Variants in LAMB1 observed in about 807,000 individuals in gnomAD.
LAMB1 encodes laminin subunit beta 1, also known as laminin subunit beta-1.
Under a neutral mutation model 222.3 loss-of-function variants are expected in LAMB1, and 121 were observed. The observed-to-expected ratio is 0.54, with a 90% confidence interval of 0.47 to 0.63. LAMB1 has a LOEUF of 0.63. Ranked by LOEUF, LAMB1 falls within the 30% of genes least tolerant of loss-of-function variation. The probability of loss-of-function intolerance (pLI) is 0.00; values close to 1 mark genes in which losing one functional copy is unlikely to be tolerated. For synonymous variants in LAMB1, 794 were observed against 807.2 expected (o/e 0.98, Z 0.28); for missense variants, 2,172 against 2,240.8 (o/e 0.97, Z 0.62).
chr7:108,003,058 G>T, intron 1 of LAMB1, 53 bp downstream of exon 1: 1 of 1,401,732 alleles, frequency 7.1e-7, no homozygotes, highest in Non-Finnish European at 9.3e-7. Flanking sequence ...CCACGGAAGC[G>T]GGGGGTGGGC....
intron 12 of LAMB1, among the ~76,000 whole-genome samples, chr7:107,973,528 G>C (rs1321447978): frequency 6.6e-6 from 1 of 152,116 alleles, no homozygotes; most frequent in African/African-American, 2.4e-5. Context: ...TCACCACTGA[G>C]CCACGAGGAA....
At chr7:107,994,466 T>C (rs567976702) in intron 5 of LAMB1, among the ~76,000 whole-genome samples, 1 of 152,332 alleles carries the variant, frequency 6.6e-6, no homozygotes, top group African/African-American at 2.4e-5. Flanking sequence ...AGATTGAATC[T>C]GCTCACAAAT....
At chr7:107,986,790 T>C (rs2034087314) in intron 5 of LAMB1, among the ~76,000 whole-genome samples, 1 of 152,226 alleles carries the variant, frequency 6.6e-6, no homozygotes, top group Non-Finnish European at 1.5e-5. Flanking sequence ...TTGTATATGT[T>C]ATACACAGTC....
At chr7:107,935,723 C>A in intron 26 of LAMB1, 67 bp from the exon 27 acceptor site, 1 of 1,547,232 alleles carries the variant, frequency 6.5e-7, no homozygotes, top group South Asian at 1.2e-5. Flanking sequence ...CAAGCAGTGT[C>A]TATATTTGGT....
In LAMB1 at chr7:107,975,037, A is replaced by G. The variant is rs1295202966; in HGVS notation, c.1431T>C (p.Gly477=). The change falls in exon 12 of 34, where the codon GGT becomes GGC. Residue 477 remains glycine (G), a synonymous_variant. Coordinates refer to ENST00000222399, the MANE Select transcript of LAMB1 (RefSeq NM_002291.3). ...PGGNPCDSET[G]HCYCKRLVTG... ...TCACCAGACGCTTGCAGTAGCAGTG[A>G]CCTGTCTCGGAATCACAAGGATTCC... is the stretch of plus-strand genomic sequence containing the variant. 1 of 1,613,270 alleles carries G rather than the reference A, an allele frequency of 6.2e-7. No homozygotes were observed. The highest frequency in any genetic ancestry group is 8.5e-7 in the Non-Finnish European group (1 of 1,179,478).
chr7:107,975,497 T>G, intron 10 of LAMB1, 84 bp from the exon 11 acceptor site: 1 of 1,377,534 alleles, frequency 7.3e-7, no homozygotes, highest in Non-Finnish European at 9.7e-7. Flanking sequence ...CCTTCCTCCC[T>G]CTAAATCTCA....
At position 107,929,007 on chromosome 7, in the gene LAMB1, T is replaced by C; in HGVS notation, c.4887+57A>G. 3.3e-6 allele frequency: 5 copies of C among 1,511,708 alleles called. 1 individual carries two copies. Among genetic ancestry groups the C allele is most frequent in the South Asian group, 2.3e-5 (2 of 88,062 alleles). The allele number at this position is 1,511,708 out of a possible 1,614,324, so 93.6% of individuals were successfully genotyped here. On this transcript the variant is annotated intron_variant, in intron 31 of 33. Transcript: ENST00000222399. ...TGTTCATAGATAACAAATGTACTTT[T>C]CTGGTAAGTGTATATGTAGGTGTGT...
intron 29 of LAMB1, chr7:107,929,958 C>T: frequency 3.0e-6 from 1 of 331,304 alleles, no homozygotes; most frequent in Non-Finnish European, 5.7e-6. Context: ...ACAGGAACGG[C>T]AGAGTATGTT....
Position 107,954,360 on chromosome 7 carries a change from G to T in LAMB1, c.2855-606C>A, listed in dbSNP as rs954305864. On this transcript the variant is annotated intron_variant, in intron 21 of 33. Coordinates refer to ENST00000222399, the MANE Select transcript of LAMB1 (RefSeq NM_002291.3). Reference sequence around the variant, plus strand: ...TTTTTTTTTTTTTTTTGGAGAGATGGTGTCTCGCCATCTTGCCCACGCTGG... The same window carrying T: ...TTTTTTTTTTTTTTTTGGAGAGATGTTGTCTCGCCATCTTGCCCACGCTGG... Among the ~76,000 whole-genome samples, 11 of 146,944 alleles carry T rather than the reference G, an allele frequency of 7.5e-5. No individual in the cohort carries two copies. In the East Asian group the frequency reaches 2.2e-3, roughly 29 times the overall value.
intron 5 of LAMB1, among the ~76,000 whole-genome samples, chr7:107,992,818 C>T (rs1028066045): frequency 6.6e-6 from 1 of 152,150 alleles, no homozygotes; most frequent in African/African-American, 2.4e-5. Flanking sequence ...TTGCTTAAAC[C>T]CAGGAGGCGG....
intron 7 of LAMB1, among the ~76,000 whole-genome samples, chr7:107,985,102 T>A (rs2034048402): frequency 6.6e-6 from 1 of 152,220 alleles, no homozygotes; most frequent in Admixed American, 6.5e-5. Flanking sequence ...TAAGGTATTA[T>A]GATCAACACA....
intron 12 of LAMB1, among the ~76,000 whole-genome samples, chr7:107,973,353 G>A (rs955324223): frequency 1.3e-5 from 2 of 152,200 alleles, no homozygotes; most frequent in African/African-American, 4.8e-5. Context: ...AGAGCAAGCA[G>A]TAAAGATACC....
intron 5 of LAMB1, among the ~76,000 whole-genome samples, chr7:107,992,373 A>G (rs2034202414): frequency 6.6e-6 from 1 of 152,242 alleles, no homozygotes; most frequent in African/African-American, 2.4e-5. Context: ...CTCCTCTGGA[A>G]GACTGGAAGC....
chr7:107,978,935 A>G (rs1223297898), intron 8 of LAMB1, among the ~76,000 whole-genome samples: 2 of 152,216 alleles, frequency 1.3e-5, no homozygotes, highest in Admixed American at 1.3e-4. Flanking sequence ...CCTTAACAAG[A>G]GTTTCTACAG....
chr7:107,941,876 C>T (rs1315226246), intron 24 of LAMB1, among the ~76,000 whole-genome samples: 3 of 120,908 alleles, frequency 2.5e-5, no homozygotes, highest in Non-Finnish European at 4.8e-5. Context: ...GGTGTTTCTC[C>T]ATGTTGGTCA....
chr7:107,945,500 G>A (rs935683658), intron 24 of LAMB1, among the ~76,000 whole-genome samples: 4 of 152,178 alleles, frequency 2.6e-5, no homozygotes, highest in African/African-American at 4.8e-5. Flanking sequence ...TTTCCCGAGG[G>A]CACCTCCCAG....
chr7:107,976,637 G>C (rs2033862309), intron 9 of LAMB1, among the ~76,000 whole-genome samples: 1 of 152,198 alleles, frequency 6.6e-6, no homozygotes, highest in Non-Finnish European at 1.5e-5. Flanking sequence ...AAGAGGGACT[G>C]TGTCTTATCT....
chr7:107,943,045 T>G (rs555635693), intron 24 of LAMB1, among the ~76,000 whole-genome samples: 37 of 152,226 alleles, frequency 2.4e-4, no homozygotes, highest in Non-Finnish European at 4.0e-4. Context: ...AAAGTATGTT[T>G]CATTTTTCTT....
At position 107,970,106 on chromosome 7, in the gene LAMB1, C is replaced by T. The variant is rs115766731; in HGVS notation, c.1562+2886G>A. Reference sequence around the variant, plus strand: ...TCTCTGTCCAAAGAGACCTTTTTAACACAACTATAAGAGCAAAATAAATGC... The same window carrying T: ...TCTCTGTCCAAAGAGACCTTTTTAATACAACTATAAGAGCAAAATAAATGC... On this transcript the variant is annotated intron_variant, in intron 13 of 33. Transcript: ENST00000222399. Among the ~76,000 whole-genome samples, 1,081 of 152,216 alleles carry T rather than the reference C, an allele frequency of 7.1e-3. 16 individuals are homozygous for T. Among genetic ancestry groups the T allele is most frequent in the African/African-American group, 0.025 (1,025 of 41,532 alleles).
Sources: allele counts gnomAD v4.1 joint callset (sites outside exome capture counted in the v4.1 genomes callset), GRCh38; gene constraint gnomAD v4.1.1; transcripts MANE v1.5; gene names NCBI Gene and HGNC (gene_info 2026-07-23, HGNC 2026-07-21).